Variants in CDH12 observed in about 807,000 individuals in gnomAD.
The protein encoded by CDH12 is cadherin 12, also known as cadherin-12.
In CDH12, 41 loss-of-function variants were observed where a neutral mutation model predicts 74.1. That is an observed-to-expected ratio of 0.55 (90% CI 0.43 to 0.72). The LOEUF (loss-of-function observed/expected upper bound fraction) is 0.72. CDH12 is among the 30% of genes least tolerant of loss of function. The probability of loss-of-function intolerance (pLI) is 0.00; values close to 1 mark genes in which losing one functional copy is unlikely to be tolerated. For synonymous variants in CDH12, 399 were observed against 355.0 expected, an observed-to-expected ratio of 1.12 and a Z score of -1.39; for missense variants, 945 against 977.2, an observed-to-expected ratio of 0.97 and a Z score of 0.44.
intron 10 of CDH12, among the ~76,000 whole-genome samples, chr5:21,795,240 T>C (rs1480658264): frequency 6.6e-6 from 1 of 151,094 alleles, no homozygotes; most frequent in Non-Finnish European, 1.5e-5. Context: ...TTCCTATCAG[T>C]TAATTATTAG....
chr5:22,393,023 C>T lies in CDH12; in HGVS notation c.-333+12234G>A, dbSNP rs182406548. On this transcript the variant is annotated intron_variant, in intron 3 of 14. Coordinates refer to ENST00000382254, the MANE Select transcript of CDH12 (RefSeq NM_004061.5). ...TATGGATCAGATTGAATGATATTCC[C>T]CAACAATGTCTCTAATATGTCCTAA... Among the ~76,000 whole-genome samples the T allele has an allele frequency of 7.5e-3, 1,142 of 152,116 alleles. 11 individuals carry two copies. The highest frequency in any genetic ancestry group is 0.01 in the Non-Finnish European group (712 of 67,976).
chr5:22,423,814 T>C (rs1452533420), intron 2 of CDH12, among the ~76,000 whole-genome samples: 1 of 151,648 alleles, frequency 6.6e-6, no homozygotes, highest in Non-Finnish European at 1.5e-5. Context: ...CCATCCTGGC[T>C]AACACGGTGA....
chr5:21,846,967 G>A (rs1750206113), intron 7 of CDH12, among the ~76,000 whole-genome samples: 1 of 151,996 alleles, frequency 6.6e-6, no homozygotes, highest in African/African-American at 2.4e-5. Context: ...ATGGGTAAAT[G>A]GCTTTATTCT....
chr5:21,816,879 A>G lies in CDH12; in HGVS notation c.1002+66T>C, dbSNP rs535519368. On this transcript the variant is annotated intron_variant, in intron 9 of 14. Coordinates refer to ENST00000382254, the MANE Select transcript of CDH12 (RefSeq NM_004061.5). ...AAATTAAAATTACTTGTCATTTTCA[A>G]TATTTATTTTTTATCTTCTTTAATT... 1.7e-5 allele frequency: 18 copies of G among 1,089,256 alleles called. No homozygotes were observed. In the African/African-American group the frequency reaches 1.8e-4, roughly 11 times the overall value. The allele number at this position is 1,089,256 out of a possible 1,614,324, so 67.5% of individuals were successfully genotyped here.
chr5:22,851,242 A>C (rs1464387541), intron 1 of CDH12, among the ~76,000 whole-genome samples: 1 of 152,006 alleles, frequency 6.6e-6, no homozygotes, highest in East Asian at 1.9e-4. Context: ...TTTTGTAGGA[A>C]TTATCTAAAA....
At chr5:22,174,190 C>A (rs557848460) in intron 4 of CDH12, among the ~76,000 whole-genome samples, 1 of 152,002 alleles carries the variant, frequency 6.6e-6, no homozygotes, top group Admixed American at 6.6e-5. Flanking sequence ...ATAAAATGTC[C>A]TCAACTTCGA....
intron 1 of CDH12, among the ~76,000 whole-genome samples, chr5:22,605,283 T>G (rs893387201): frequency 2.0e-5 from 3 of 152,166 alleles, no homozygotes; most frequent in Non-Finnish European, 4.4e-5. Context: ...CATGAGCCAA[T>G]GTTTCATAAT....
At chr5:22,708,821 T>C (rs1435406441) in intron 1 of CDH12, among the ~76,000 whole-genome samples, 1 of 152,104 alleles carries the variant, frequency 6.6e-6, no homozygotes, top group Admixed American at 6.5e-5. Flanking sequence ...TTTAGAAAAT[T>C]ATTTGCTTTT....
At chr5:22,454,774 C>T (rs961586093) in intron 2 of CDH12, among the ~76,000 whole-genome samples, 3 of 152,194 alleles carry the variant, frequency 2.0e-5, no homozygotes, top group African/African-American at 7.2e-5. Flanking sequence ...TGTGCCCAGC[C>T]TCTCTTCTTT....
At chr5:21,791,020 C>T (rs1746466714) in intron 10 of CDH12, among the ~76,000 whole-genome samples, 1 of 152,008 alleles carries the variant, frequency 6.6e-6, no homozygotes, top group Admixed American at 6.6e-5. Flanking sequence ...AAGCTCCTTT[C>T]TCTGCATGAT....
intron 6 of CDH12, among the ~76,000 whole-genome samples, chr5:21,890,289 A>C (rs1398285651): frequency 5.3e-5 from 8 of 152,144 alleles, no homozygotes; most frequent in African/African-American, 1.9e-4. Context: ...TGGTTGCTTA[A>C]AAAACAGCAT....
chr5:21,864,041 A>G (rs988695878), intron 6 of CDH12, among the ~76,000 whole-genome samples: 3 of 152,132 alleles, frequency 2.0e-5, no homozygotes, highest in Non-Finnish European at 4.4e-5. Context: ...AGAAAATTGA[A>G]ATTTATTTTC....
chr5:22,209,536 AGT>A (rs1327666292), intron 4 of CDH12, among the ~76,000 whole-genome samples: 1 of 151,894 alleles, frequency 6.6e-6, no homozygotes, highest in Non-Finnish European at 1.5e-5. Context: ...TTATCCTGAG[AGT>A]GTGTCAACCT....
chr5:22,011,501 C>T (rs1561018324), intron 5 of CDH12, among the ~76,000 whole-genome samples: 2 of 152,122 alleles, frequency 1.3e-5, no homozygotes, highest in Non-Finnish European at 2.9e-5. Context: ...GTCCATTTAA[C>T]TTCTGGAAGA....
intron 1 of CDH12, among the ~76,000 whole-genome samples, chr5:22,565,166 C>G (rs1490942185): frequency 6.6e-6 from 1 of 152,102 alleles, no homozygotes; most frequent in Non-Finnish European, 1.5e-5. Context: ...GATTTCTTAA[C>G]CTTGTGATCC....
chr5:22,777,142 C>T (rs1747144320), intron 1 of CDH12, among the ~76,000 whole-genome samples: 1 of 151,904 alleles, frequency 6.6e-6, no homozygotes, highest in South Asian at 2.1e-4. Context: ...CCCACTACTC[C>T]CCAAAACAGA....
chr5:22,829,010 T>C (rs1161906814), intron 1 of CDH12, among the ~76,000 whole-genome samples: 1 of 152,172 alleles, frequency 6.6e-6, no homozygotes, highest in Non-Finnish European at 1.5e-5. Flanking sequence ...ATTTTCAATT[T>C]TTCTGAAGGT....
chr5:22,517,085 T>C (rs781726698), intron 1 of CDH12, among the ~76,000 whole-genome samples: 2 of 151,974 alleles, frequency 1.3e-5, no homozygotes, highest in South Asian at 2.1e-4. Context: ...TAGGAGAATA[T>C]AATATACATT....
At chr5:22,487,735 T>C (rs967354867) in intron 2 of CDH12, among the ~76,000 whole-genome samples, 1 of 152,158 alleles carries the variant, frequency 6.6e-6, no homozygotes, top group Admixed American at 6.5e-5. Flanking sequence ...CCTACTTACC[T>C]CAGGGCTAGC....
Sources: gnomAD v4.1 joint callset for allele counts (sites outside exome capture counted in the v4.1 genomes callset) on GRCh38, gnomAD v4.1.1 for gene constraint, MANE v1.5 for transcripts, NCBI Gene and HGNC (gene_info 2026-07-23, HGNC 2026-07-21) for gene names.